COQ6: variants seen among roughly 807,000 people sequenced by gnomAD.
COQ6 encodes coenzyme Q6, monooxygenase.
In COQ6, 45 loss-of-function variants were observed where a neutral mutation model predicts 55.5. That is an observed-to-expected ratio of 0.81 (90% CI 0.64 to 1.04). The LOEUF (loss-of-function observed/expected upper bound fraction) is 1.04, where lower values mean the gene tolerates loss of function less well. Among genes scored for constraint, COQ6 ranks in the 50% least tolerant of loss-of-function variants. COQ6 has a pLI of 0.00. For missense variants in COQ6, 550 were observed against 601.3 expected (o/e 0.91, Z 0.89); for synonymous variants, 206 against 230.5 (o/e 0.89, Z 0.96).
chr14:73,950,162 T>G (rs1169159026), upstream of COQ6: 2 of 1,585,292 alleles, frequency 1.3e-6, no homozygotes, highest in Non-Finnish European at 1.7e-6. Flanking sequence ...CTCCGATCCA[T>G]CCCGCCCGAG....
At chr14:73,960,920 G>A (rs547084479) in intron 8 of COQ6, 122 of 581,220 alleles carry the variant, frequency 2.1e-4, no homozygotes, top group Non-Finnish European at 3.3e-4. Flanking sequence ...TATTGAGGGT[G>A]GGGACTAGTG....
chr14:73,963,528 T>C lies in COQ6; in HGVS notation c.*529T>C, dbSNP rs1354020558. The C allele has an allele frequency of 1.2e-5, 2 of 163,484 alleles. No individual in the cohort carries two copies. The highest frequency in any genetic ancestry group is 2.6e-5 in the Non-Finnish European group (2 of 75,776). 10.1% of individuals were successfully genotyped at this position (163,484 alleles called of 1,614,324 possible). The stretch of plus-strand genomic sequence containing the variant: ...GTCTCATTAATGCTAGTTATTACTT[T>C]ATCACAGCACCAGATTTCCATTTTA... On this transcript the variant is annotated 3_prime_UTR_variant, in exon 12 of 12. Coordinates refer to ENST00000334571, the MANE Select transcript of COQ6 (RefSeq NM_182476.3).
At chr14:73,962,051 G>A (rs1880637805) in intron 11 of COQ6, 148 bp downstream of exon 11, 1 of 925,674 alleles carries the variant, frequency 1.1e-6, no homozygotes, top group Admixed American at 2.0e-5. Flanking sequence ...AGGTTCAAGT[G>A]ATTATCCTGC....
chr14:73,952,265 G>T (rs1306963588), intron 1 of COQ6, among the ~76,000 whole-genome samples: 1 of 151,428 alleles, frequency 6.6e-6, no homozygotes, highest in African/African-American at 2.4e-5. Flanking sequence ...TGGGACCACA[G>T]GCGCCCGCCA....
rs2056750202 is a variant in COQ6, at chr14:73,961,812, T to TA, written c.1287dup (p.Leu430ThrfsTer71). On this transcript the variant is annotated frameshift_variant, in exon 11 of 12. Coordinates refer to ENST00000334571, the MANE Select transcript of COQ6 (RefSeq NM_182476.3). LOFTEE classifies it high-confidence loss of function. The stretch of plus-strand genomic sequence containing the variant: ...ACTGCTCTTCTGGCTGCTACAGACT[T>TA]ACTAAAAAGGCTCTATTCTACCAGT... The TA allele has an allele frequency of 1.2e-6, 2 of 1,614,064 alleles. No individual in the cohort carries two copies. The highest frequency in any genetic ancestry group is 1.3e-5 in the African/African-American group (1 of 74,916).
rs774018234 is a variant in COQ6 at position 73,959,394 on chromosome 14, A to T, written c.784-21A>T. 3 of 1,613,884 alleles carry T rather than the reference A, an allele frequency of 1.9e-6. No homozygotes were observed. In the East Asian group the frequency reaches 6.7e-5, roughly 36 times the overall value. On this transcript the variant is annotated intron_variant, in intron 7 of 11. Transcript: ENST00000334571. ...GTGCAGCAGAGTCTTAGCCGTTGGT[A>T]TTGGTGTTCTTTTGACACAGCTCTC...
Position 73,950,503 on chromosome 14 carries a change from C to T in COQ6, c.163+8C>T. 1.3e-6 allele frequency: 2 copies of T among 1,599,346 alleles called. No homozygotes were observed. Among genetic ancestry groups the T allele is most frequent in the South Asian group, 1.1e-5 (1 of 88,820 alleles). ...CCATGGCCTGTGCCTTGGGTAAGCC[C>T]TTCTCCAGGCTACTAGTGGCCGGAA... On this transcript the variant is annotated splice_region_variant and intron_variant, in intron 1 of 11. Coordinates refer to ENST00000334571, the MANE Select transcript of COQ6 (RefSeq NM_182476.3).
intron 8 of COQ6, chr14:73,960,206 A>T (rs984190186): frequency 5.1e-6 from 5 of 988,202 alleles, no homozygotes; most frequent in Non-Finnish European, 6.0e-6. Context: ...CATGGGGCTT[A>T]AGAGTAAGCT....
rs113814754 is a variant in COQ6, at chr14:73,959,427, T to C, written c.796T>C (p.Leu266=). ...TCTTTTGACACAGCTCTCAGACACC[T>C]TGAGTTCCTTGGTTTGGTCCACGTC... is the stretch of plus-strand genomic sequence containing the variant. The part of the protein sequence containing the change: ...PIALLPLSDT[L]SSLVWSTSHE... Residue 266 remains leucine, a synonymous_variant, in exon 8 of 12, where the codon TTG becomes CTG. Coordinates refer to ENST00000334571, the MANE Select transcript of COQ6 (RefSeq NM_182476.3). The C allele has an allele frequency of 2.5e-6, 4 of 1,614,220 alleles. No homozygotes were observed. The highest frequency in any genetic ancestry group is 2.5e-6 in the Non-Finnish European group (3 of 1,180,036).
At chr14:73,955,649 T>C in intron 3 of COQ6, 140 bp downstream of exon 3, 2 of 1,373,958 alleles carry the variant, frequency 1.5e-6, no homozygotes, top group East Asian at 2.3e-5. Flanking sequence ...GGGAGAAGCA[T>C]TCCCAGGAGA....
chr14:73,950,719 T>A, intron 1 of COQ6: 3 of 621,758 alleles, frequency 4.8e-6, no homozygotes, highest in Non-Finnish European at 8.2e-6. Flanking sequence ...GTTCTACTCA[T>A]GGGAAAACAG....
At chr14:73,955,318 A>G (rs530117711) in intron 2 of COQ6, 133 bp from the exon 3 acceptor site, 7 of 764,848 alleles carry the variant, frequency 9.2e-6, no homozygotes, top group East Asian at 2.5e-5. Context: ...AGGTACTAAC[A>G]TCAAACAAGA....
In COQ6 at chr14:73,958,271, A is replaced by G; in HGVS notation, c.606A>G (p.Lys202=). The G allele has an allele frequency of 6.2e-7, 1 of 1,613,922 alleles. No individual in the cohort carries two copies. Among genetic ancestry groups the G allele is most frequent in the Non-Finnish European group, 8.5e-7 (1 of 1,179,884 alleles). The stretch of plus-strand genomic sequence containing the variant: ...GTGATGGCAGCACCTTCCAGACCAA[A>G]TTGTTGGTAGTTGAAGATTCTTATT... ...TLGDGSTFQT[K]LLIGADGHNS... The change falls in exon 5 of 12, where the codon AAA becomes AAG. Residue 202 remains lysine, a synonymous_variant. Transcript: ENST00000334571.
rs759836230 is a variant in COQ6 at position 73,958,136 on chromosome 14, G to A, written c.482-11G>A. The A allele has an allele frequency of 1.9e-6, 3 of 1,612,130 alleles. No homozygotes were observed. Among genetic ancestry groups the A allele is most frequent in the Admixed American group, 3.3e-5 (2 of 59,882 alleles). On this transcript the variant is annotated splice_polypyrimidine_tract_variant and intron_variant, in intron 4 of 11. Coordinates refer to ENST00000334571, the MANE Select transcript of COQ6 (RefSeq NM_182476.3). ...TTTCTAATTTTTTTTCCTCTCTTTT[G>A]ACCTCCCCAGACCGAGTGACGGTTC...
At chr14:73,950,239 C>A, upstream of COQ6, 1 of 1,538,536 alleles carries the variant, frequency 6.5e-7, no homozygotes, top group Non-Finnish European at 8.7e-7. Flanking sequence ...CTGAGGACGC[C>A]GCGGAAGCGG....
Position 73,959,462 on chromosome 14 carries a change from T to C in COQ6, c.831T>C (p.His277=). 6.2e-7 allele frequency: 1 copy of C among 1,614,236 alleles called. No homozygotes were observed. The highest frequency in any genetic ancestry group is 8.5e-7 in the Non-Finnish European group (1 of 1,180,042). ...TGGTTTGGTCCACGTCCCATGAACATGCAGCAGAGCTAGTTAGCATGGATG... is the reference window on the plus strand; with the variant it reads ...TGGTTTGGTCCACGTCCCATGAACACGCAGCAGAGCTAGTTAGCATGGATG... The part of the protein sequence containing the change: ...SSLVWSTSHE[H]AAELVSMDEE... Residue 277 remains histidine, a synonymous_variant, in exon 8 of 12, where the codon CAT becomes CAC. Transcript: ENST00000334571.
intron 8 of COQ6, chr14:73,959,751 G>A (rs1248308804): frequency 8.7e-7 from 1 of 1,152,802 alleles, no homozygotes. Context: ...TCTATTTTTA[G>A]TAGAGATGAG....
rs1254661115 is a variant in COQ6 at position 73,955,703 on chromosome 14, A to AT, written c.358-100dup. 3.8e-6 allele frequency: 6 copies of AT among 1,565,320 alleles called. No homozygotes were observed. In the African/African-American group the frequency reaches 5.4e-5, roughly 14 times the overall value. ...ATTTTCCTACCAGAGAGGCTGACAAATTGTGATTTTCTGCTCTGTCACTTG... is the reference window on the plus strand; with the variant it reads ...ATTTTCCTACCAGAGAGGCTGACAAATTTGTGATTTTCTGCTCTGTCACTTG... On this transcript the variant is annotated intron_variant, in intron 3 of 11. Coordinates refer to ENST00000334571, the MANE Select transcript of COQ6 (RefSeq NM_182476.3).
At chr14:73,954,936 C>CTTTTTTTTTTTTTT (rs35787543) in intron 2 of COQ6, among the ~76,000 whole-genome samples, 1 of 126,180 alleles carries the variant, frequency 7.9e-6, no homozygotes, top group Non-Finnish European at 1.6e-5. Context: ...GAAGCTGAGT[C>CTTTTTTTTTTTTTT]TTTTTTTTTT....
Sources: gnomAD v4.1 joint callset for allele counts (sites outside exome capture counted in the v4.1 genomes callset) on GRCh38, gnomAD v4.1.1 for gene constraint, MANE v1.5 for transcripts, NCBI Gene and HGNC (gene_info 2026-07-23, HGNC 2026-07-21) for gene names.